SSB: variants seen among roughly 807,000 people sequenced by gnomAD.
SSB encodes the protein small RNA binding exonuclease protection factor La.
In SSB, 17 loss-of-function variants were observed where a neutral mutation model predicts 52.9. That is an observed-to-expected ratio of 0.32 (90% CI 0.22 to 0.48). The LOEUF (loss-of-function observed/expected upper bound fraction) is 0.48. SSB is among the 20% of genes least tolerant of loss of function. The pLI is 0.99. For synonymous variants in SSB, 111 were observed against 152.1 expected (o/e 0.73, Z 1.99); for missense variants, 314 against 463.6 (o/e 0.68, Z 2.96).
intron 8 of SSB, 141 bp downstream of exon 8, chr2:169,809,043 A>T: frequency 1.4e-6 from 1 of 724,544 alleles, no homozygotes; most frequent in South Asian, 1.5e-5. Context: ...ATCAGGTATT[A>T]TATTGAGGGA....
chr2:169,811,513 G>C (rs1049831019), intron 11 of SSB, among the ~76,000 whole-genome samples, 155 bp from the exon 12 acceptor site: 2 of 152,194 alleles, frequency 1.3e-5, no homozygotes, highest in South Asian at 4.1e-4. Flanking sequence ...GATGAATCTA[G>C]AGGTCAGGTC....
In SSB at chr2:169,800,934, A is replaced by G; in HGVS notation, c.-9-18A>G. The G allele has an allele frequency of 2.6e-6, 4 of 1,567,630 alleles. No homozygotes were observed. The highest frequency in any genetic ancestry group is 3.4e-6 in the Non-Finnish European group (4 of 1,161,862). On this transcript the variant is annotated intron_variant, in intron 1 of 11. Coordinates refer to ENST00000260956, the MANE Select transcript of SSB (RefSeq NM_003142.5). Reference sequence around the variant, plus strand: ...TTATATAAAAAATAACTTTATGCTAATTTGGGAAATTTTACAGATAGCCGC... The same window carrying G: ...TTATATAAAAAATAACTTTATGCTAGTTTGGGAAATTTTACAGATAGCCGC...
chr2:169,807,737 CTTT>C lies in SSB; in HGVS notation c.554+687_554+689del, dbSNP rs55845251. ...ATCTTATTTTTCATAGCCTATATGT[CTTT>C]TTTTTTTTTTTTTTTTTTTTACAGT... On this transcript the variant is annotated intron_variant, in intron 6 of 11. Transcript: ENST00000260956. Among the ~76,000 whole-genome samples the C allele has an allele frequency of 8.1e-5, 6 of 74,024 alleles. 1 individual carries two copies. The highest frequency in any genetic ancestry group is 1.0e-4 in the African/African-American group (2 of 19,760). 48.6% of individuals were successfully genotyped at this position (74,024 alleles called of 152,430 possible).
intron 6 of SSB, 78 bp from the exon 7 acceptor site, chr2:169,808,404 T>C: frequency 8.9e-7 from 1 of 1,118,842 alleles, no homozygotes; most frequent in Admixed American, 2.0e-5. Flanking sequence ...TGCTGTGCCA[T>C]GTCTTAAGTT....
intron 9 of SSB, 154 bp from the exon 10 acceptor site, chr2:169,810,704 T>C: frequency 1.3e-6 from 1 of 756,066 alleles, no homozygotes; most frequent in South Asian, 2.0e-5. Flanking sequence ...CAGTTTTACT[T>C]CTGTAGCATT....
At chr2:169,810,601 T>C in intron 9 of SSB, 178 bp downstream of exon 9, 1 of 694,346 alleles carries the variant, frequency 1.4e-6, no homozygotes, top group South Asian at 2.2e-5. Flanking sequence ...AATTAGTTTC[T>C]ACTTGATCAT....
At chr2:169,802,685 T>C (rs1689736996) in intron 2 of SSB, among the ~76,000 whole-genome samples, 1 of 152,190 alleles carries the variant, frequency 6.6e-6, no homozygotes, top group Non-Finnish European at 1.5e-5. Flanking sequence ...GTGGACCTTA[T>C]ATTTTACAAC....
chr2:169,801,789 C>T (rs1689718436), intron 2 of SSB, among the ~76,000 whole-genome samples: 1 of 152,156 alleles, frequency 6.6e-6, no homozygotes, highest in South Asian at 2.1e-4. Context: ...CCACCTCAGC[C>T]TCCCAAAGTG....
intron 6 of SSB, among the ~76,000 whole-genome samples, chr2:169,808,002 A>G (rs6758123): frequency 0.18 from 27,119 of 151,782 alleles, 2,678 homozygotes; most frequent in East Asian, 0.36. Flanking sequence ...ATTTAACATG[A>G]TTTTCATATG....
intron 6 of SSB, among the ~76,000 whole-genome samples, chr2:169,807,898 G>C (rs1008909763): frequency 1.5e-4 from 22 of 151,600 alleles, no homozygotes; most frequent in African/African-American, 5.1e-4. Context: ...TTAGAAGACT[G>C]TGCATTAGTC....
chr2:169,810,482 C>T, intron 9 of SSB, 59 bp downstream of exon 9: 20 of 1,460,198 alleles, frequency 1.4e-5, no homozygotes, highest in Non-Finnish European at 1.9e-5. Flanking sequence ...GAAACTTAGA[C>T]AAAATTAGTA....
chr2:169,810,921 G>A lies in SSB; in HGVS notation c.874G>A (p.Gly292Ser), dbSNP rs1689937443. The change falls in exon 10 of 12, where the codon GGT becomes AGT. Residue 292 changes from glycine to serine, a missense_variant. By Grantham distance (56) the Gly-to-Ser change is moderately conservative. Transcript: ENST00000260956. ...ALGKAKDANN[G>S]NLQLRNKEVT... The stretch of plus-strand genomic sequence containing the variant: ...GGGTAAAGCCAAAGATGCAAATAAT[G>A]GTAACCTACAATTAAGGAACAAAGA... 4 of 1,613,458 alleles carry A rather than the reference G, an allele frequency of 2.5e-6. No individual in the cohort carries two copies. Among genetic ancestry groups the A allele is most frequent in the Non-Finnish European group, 3.4e-6 (4 of 1,179,666 alleles).
At chr2:169,802,844 C>T (rs542595707) in intron 2 of SSB, among the ~76,000 whole-genome samples, 5 of 152,306 alleles carry the variant, frequency 3.3e-5, no homozygotes, top group African/African-American at 2.4e-5. Context: ...CCCTTTCCCC[C>T]GCTAAATATA....
chr2:169,811,141 T>TA (rs1179035799), intron 10 of SSB, 42 bp from the exon 11 acceptor site: 2 of 1,593,126 alleles, frequency 1.3e-6, no homozygotes, highest in South Asian at 1.2e-5. Flanking sequence ...ACAAGAGACT[T>TA]AAAAAAAGTT....
intron 2 of SSB, among the ~76,000 whole-genome samples, chr2:169,803,939 A>C (rs1432648164): frequency 1.3e-5 from 2 of 152,068 alleles, no homozygotes; most frequent in Admixed American, 6.6e-5. Flanking sequence ...GGGTTTCACC[A>C]CTTTGGCCAG....
At position 169,807,015 on chromosome 2, in the gene SSB, A is replaced by C; in HGVS notation, c.498A>C (p.Lys166Asn). Residue 166 changes from lysine (K) to asparagine (N), a missense_variant, in exon 6 of 12, where the codon AAA becomes AAC. Physicochemically the swap from Lys to Asn is moderately conservative, Grantham distance 94. Transcript: ENST00000260956. Reference protein sequence around the residue: ...VVFDSIESAKKFVETPGQKYK... With the variant: ...VVFDSIESAKNFVETPGQKYK... ...TTGATAGCATTGAATCTGCTAAGAAATTTGTAGAGACCCCTGGCCAGAAGT... is the reference window on the plus strand; with the variant it reads ...TTGATAGCATTGAATCTGCTAAGAACTTTGTAGAGACCCCTGGCCAGAAGT... The C allele has an allele frequency of 2.5e-6, 4 of 1,614,008 alleles. No individual in the cohort carries two copies. The highest frequency in any genetic ancestry group is 3.4e-6 in the Non-Finnish European group (4 of 1,179,968).
rs757251878 is a variant in SSB at position 169,805,441 on chromosome 2, A to G, written c.67-33A>G. The G allele has an allele frequency of 4.7e-6, 7 of 1,478,280 alleles. 1 individual carries two copies. Among genetic ancestry groups the G allele is most frequent in the South Asian group, 2.3e-5 (2 of 87,536 alleles). The allele number at this position is 1,478,280 out of a possible 1,614,324, so 91.6% of individuals were successfully genotyped here. The stretch of plus-strand genomic sequence containing the variant: ...GTCAGGATTGGAGTCCATATTATAC[A>G]GTGTTCTGAAATACATTGTAATTAT... On this transcript the variant is annotated intron_variant, in intron 2 of 11. Coordinates refer to ENST00000260956, the MANE Select transcript of SSB (RefSeq NM_003142.5).
chr2:169,801,174 G>C (rs1244011678), intron 2 of SSB, 148 bp downstream of exon 2: 2 of 520,872 alleles, frequency 3.8e-6, no homozygotes, highest in Non-Finnish European at 6.4e-6. Context: ...TTTTATATTG[G>C]TGGAGCCAGG....
At chr2:169,804,875 T>C (rs1689795011) in intron 2 of SSB, among the ~76,000 whole-genome samples, 1 of 151,954 alleles carries the variant, frequency 6.6e-6, no homozygotes. Context: ...TGGTGGCTCA[T>C]GCCTGCAATC....
Sources: allele counts gnomAD v4.1 joint callset (sites outside exome capture counted in the v4.1 genomes callset), GRCh38; gene constraint gnomAD v4.1.1; transcripts MANE v1.5; gene names NCBI Gene and HGNC (gene_info 2026-07-23, HGNC 2026-07-21).